The following MANBA variants were observed in gnomAD, a reference collection of about 807,000 sequenced individuals.
The protein encoded by MANBA is beta-mannosidase.
MANBA carries 83 observed loss-of-function variants against 111.1 expected under a neutral mutation model. The observed-to-expected ratio is 0.75, with a 90% CI of 0.63 to 0.90. The LOEUF is 0.90. Among genes scored for constraint, MANBA ranks in the 40% least tolerant of loss-of-function variants. The pLI is 0.00. For missense variants in MANBA, 1,036 were observed against 1,069.0 expected, an observed-to-expected ratio of 0.97 and a Z score of 0.43; for synonymous variants, 370 against 378.7, an observed-to-expected ratio of 0.98 and a Z score of 0.27.
intron 14 of MANBA, 26 bp downstream of exon 14, chr4:102,639,687 C>G (rs371299400): frequency 6.2e-7 from 1 of 1,613,794 alleles, no homozygotes; most frequent in African/African-American, 1.3e-5. Context: ...TTCTCTCACT[C>G]GCACAAAGAA....
chr4:102,701,122 T>C (rs1196772543), intron 5 of MANBA, among the ~76,000 whole-genome samples: 1 of 152,174 alleles, frequency 6.6e-6, no homozygotes, highest in Non-Finnish European at 1.5e-5. Context: ...AATGGCCTTC[T>C]TTGTCTCTTT....
chr4:102,696,089 G>A (rs1732694663), intron 5 of MANBA, among the ~76,000 whole-genome samples: 2 of 152,082 alleles, frequency 1.3e-5, no homozygotes, highest in African/African-American at 4.8e-5. Flanking sequence ...TTAGCTGGGT[G>A]TGGTGGCACG....
In MANBA at chr4:102,748,599, A is replaced by G. The variant is rs1341569090; in HGVS notation, c.177+12119T>C. Among the ~76,000 whole-genome samples the G allele has an allele frequency of 5.3e-5, 8 of 152,316 alleles. No homozygotes were observed. In the East Asian group the frequency reaches 1.4e-3, roughly 26 times the overall value. On this transcript the variant is annotated intron_variant, in intron 1 of 16. Coordinates refer to ENST00000647097, the MANE Select transcript of MANBA (RefSeq NM_005908.4). ...GACCTAGAAGACAGGGATGCTTTTC[A>G]TAACATAGCCTACCTTTAAAACTGT...
intron 5 of MANBA, among the ~76,000 whole-genome samples, chr4:102,695,104 A>T (rs773305586): frequency 6.6e-6 from 1 of 152,178 alleles, no homozygotes; most frequent in Non-Finnish European, 1.5e-5. Flanking sequence ...AGCCTAGATT[A>T]ATGTATACTG....
Position 102,639,766 on chromosome 4 carries a change from G to A in MANBA, c.1961C>T (p.Ala654Val), listed in dbSNP as rs1271461004. ...IVDQQGHTMG[A>V]LYWQLNDIWQ... ...GATGTCATTCAACTGCCAATAAAGT[G>A]CCCCCATCGTGTGCCCTTGCTGATC... is the stretch of plus-strand genomic sequence containing the variant. The change falls in exon 14 of 17, where the codon GCA becomes GTA. Residue 654 changes from alanine to valine, a missense_variant. Transcript: ENST00000647097. 1.2e-6 allele frequency: 2 copies of A among 1,613,944 alleles called. No individual in the cohort carries two copies. Among genetic ancestry groups the A allele is most frequent in the Non-Finnish European group, 1.7e-6 (2 of 1,180,006 alleles).
At position 102,674,038 on chromosome 4, in the gene MANBA, C is replaced by T; in HGVS notation, c.993G>A (p.Glu331=). The T allele has an allele frequency of 6.2e-7, 1 of 1,601,694 alleles. No individual in the cohort carries two copies. The highest frequency in any genetic ancestry group is 2.2e-5 in the East Asian group (1 of 44,776). The stretch of plus-strand genomic sequence containing the variant: ...TCAAACCAGGAGACCCTTTTATAGG[C>T]TCTTCTATAAGTTCCACTGTCCTAA... ...VYFRTVELIE[E]PIKGSPGLSF... The change falls in exon 8 of 17, where the codon GAG becomes GAA. Residue 331 remains glutamate (E), a synonymous_variant. Transcript: ENST00000647097.
At chr4:102,686,712 C>A (rs999683773) in intron 7 of MANBA, among the ~76,000 whole-genome samples, 1 of 152,286 alleles carries the variant, frequency 6.6e-6, no homozygotes, top group East Asian at 1.9e-4. Context: ...TGACTCCCCA[C>A]TCAAATTGGT....
rs1339570959 is a variant in MANBA, at chr4:102,760,778, C to T, written c.117G>A (p.Glu39=). ...CGCAGCCAGGGACCGCCCCGGGCAG[C>T]TCCAGCGAGCCGTTCCCATTGCAGA... is the stretch of plus-strand genomic sequence containing the variant. ...WSICNGNGSL[E]LPGAVPGCVH... Residue 39 remains glutamate, a synonymous_variant, in exon 1 of 17, where the codon GAG becomes GAA. Transcript: ENST00000647097. 6.4e-7 allele frequency: 1 copy of T among 1,551,888 alleles called. No individual in the cohort carries two copies. Among genetic ancestry groups the T allele is most frequent in the Admixed American group, 2.0e-5 (1 of 51,210 alleles).
intron 1 of MANBA, among the ~76,000 whole-genome samples, chr4:102,733,143 G>T (rs1212516306): frequency 6.6e-6 from 1 of 152,140 alleles, no homozygotes; most frequent in Non-Finnish European, 1.5e-5. Context: ...TGTCATTCTG[G>T]ATGTTAAATA....
chr4:102,695,964 G>A (rs888872524), intron 5 of MANBA, among the ~76,000 whole-genome samples: 6 of 151,710 alleles, frequency 4.0e-5, no homozygotes, highest in African/African-American at 7.2e-5. Flanking sequence ...GTAGTGGCTC[G>A]TGCCTATAGT....
intron 1 of MANBA, among the ~76,000 whole-genome samples, chr4:102,757,801 A>G (rs1382618016): frequency 1.3e-5 from 2 of 152,194 alleles, no homozygotes; most frequent in African/African-American, 4.8e-5. Context: ...AAAGCCTCCA[A>G]TAACTTCCCA....
At chr4:102,718,780 A>G (rs541038518) in intron 4 of MANBA, among the ~76,000 whole-genome samples, 408 of 152,298 alleles carry the variant, frequency 2.7e-3, no homozygotes, top group Non-Finnish European at 4.5e-3. Flanking sequence ...GAGTACAAAG[A>G]GAGAAATTTT....
intron 1 of MANBA, chr4:102,727,827 A>G: frequency 1.6e-6 from 1 of 621,356 alleles, no homozygotes; most frequent in South Asian, 1.7e-5. Context: ...ACTTCCGGAA[A>G]AGGATTTTCC....
chr4:102,728,515 T>A (rs931255399), intron 1 of MANBA: 4 of 380,624 alleles, frequency 1.1e-5, no homozygotes, highest in Non-Finnish European at 2.0e-5. Flanking sequence ...AACTATAAGG[T>A]TAGCTGTTGG....
At chr4:102,645,336 T>C (rs894761525) in intron 13 of MANBA, among the ~76,000 whole-genome samples, 3 of 152,050 alleles carry the variant, frequency 2.0e-5, no homozygotes, top group Admixed American at 1.3e-4. Context: ...TCATGAGATA[T>C]GTTTGTCTGG....
rs192962285 is a variant in MANBA, at chr4:102,756,540, A to T, written c.177+4178T>A. Among the ~76,000 whole-genome samples, 760 of 152,256 alleles carry T rather than the reference A, an allele frequency of 5.0e-3. 3 individuals carry two copies. The highest frequency in any genetic ancestry group is 6.8e-3 in the Non-Finnish European group (465 of 68,006). On this transcript the variant is annotated intron_variant, in intron 1 of 16. Transcript: ENST00000647097. ...CTAATGTAAATGAGGTTAACGGGTC[A>T]ACGGGTGCAGCACACCAACATGGCA...
intron 2 of MANBA, among the ~76,000 whole-genome samples, chr4:102,726,166 C>CTACCTCTA (rs1392433347): frequency 2.7e-5 from 4 of 150,534 alleles, no homozygotes; most frequent in Non-Finnish European, 5.9e-5. Flanking sequence ...AGTGGTGGTA[C>CTACCTCTA]CTTTGGGTAA....
intron 11 of MANBA, chr4:102,658,838 C>T (rs1430533834): frequency 6.6e-6 from 1 of 152,190 alleles, no homozygotes; most frequent in Non-Finnish European, 1.5e-5. Flanking sequence ...TTATGTAAAC[C>T]ACTGAAATAC....
At chr4:102,695,600 G>A (rs1365030651) in intron 5 of MANBA, among the ~76,000 whole-genome samples, 2 of 152,102 alleles carry the variant, frequency 1.3e-5, no homozygotes, top group African/African-American at 4.8e-5. Context: ...AAGAAACTTG[G>A]AGATGTTCTC....
Sources: gnomAD v4.1 joint callset for allele counts (sites outside exome capture counted in the v4.1 genomes callset) on GRCh38, gnomAD v4.1.1 for gene constraint, MANE v1.5 for transcripts, NCBI Gene and HGNC (gene_info 2026-07-23, HGNC 2026-07-21) for gene names.